Variants in ADAMTS12 observed in about 807,000 individuals in gnomAD.
ADAMTS12 encodes the protein A disintegrin and metalloproteinase with thrombospondin motifs 12.
In ADAMTS12, 118 loss-of-function variants were observed where a neutral mutation model predicts 167.8. The ratio of observed to expected loss-of-function variants is 0.70; its 90% CI spans 0.61 to 0.82. The LOEUF is 0.82. Among genes scored for constraint, ADAMTS12 ranks in the 40% least tolerant of loss-of-function variants. ADAMTS12 has a pLI of 0.00. For synonymous variants in ADAMTS12, 704 were observed against 716.9 expected (o/e 0.98, Z 0.29); for missense variants, 1,916 against 1,998.8 (o/e 0.96, Z 0.79).
chr5:33,747,138 G>T (rs1191387569), intron 3 of ADAMTS12, among the ~76,000 whole-genome samples: 3 of 152,092 alleles, frequency 2.0e-5, no homozygotes, highest in Non-Finnish European at 4.4e-5. Flanking sequence ...AAAGACATTA[G>T]GACTCATAGG....
chr5:33,592,024 C>T (rs1003796904), intron 17 of ADAMTS12, among the ~76,000 whole-genome samples: 3 of 151,794 alleles, frequency 2.0e-5, no homozygotes, highest in Non-Finnish European at 4.4e-5. Flanking sequence ...AGTTCGAGAC[C>T]AGCCTGACCA....
At chr5:33,649,748 A>G in intron 7 of ADAMTS12, 51 bp from the exon 8 acceptor site, 2 of 1,597,916 alleles carry the variant, frequency 1.3e-6, no homozygotes, top group Non-Finnish European at 1.7e-6. Context: ...GGCATTAAAC[A>G]GGAAGAAAAA....
intron 18 of ADAMTS12, among the ~76,000 whole-genome samples, chr5:33,587,404 C>G (rs976091522): frequency 1.3e-5 from 2 of 152,248 alleles, no homozygotes; most frequent in Non-Finnish European, 2.9e-5. Flanking sequence ...TCCATTTTCT[C>G]CTGAGTCCTC....
intron 3 of ADAMTS12, among the ~76,000 whole-genome samples, chr5:33,712,158 A>C (rs1743423897): frequency 6.6e-6 from 1 of 152,154 alleles, no homozygotes; most frequent in South Asian, 2.1e-4. Flanking sequence ...ACCACATGTA[A>C]CAGTAGCAGG....
chr5:33,760,659 T>C (rs1332472883), intron 2 of ADAMTS12, among the ~76,000 whole-genome samples: 1 of 152,174 alleles, frequency 6.6e-6, no homozygotes, highest in Non-Finnish European at 1.5e-5. Flanking sequence ...TAAGAGACAC[T>C]GTAGCATCTA....
intron 1 of ADAMTS12, chr5:33,888,310 C>T (rs531356049): frequency 1.3e-5 from 2 of 152,188 alleles, no homozygotes; most frequent in Admixed American, 6.5e-5. Context: ...AACCTTGCAA[C>T]GCTATTTTTA....
At chr5:33,830,634 G>GA (rs902688024) in intron 2 of ADAMTS12, among the ~76,000 whole-genome samples, 13 of 151,790 alleles carry the variant, frequency 8.6e-5, no homozygotes, top group Admixed American at 2.0e-4. Context: ...ATTAAAAATT[G>GA]AAAAAAAATT....
chr5:33,771,039 G>T (rs1745720407), intron 2 of ADAMTS12, among the ~76,000 whole-genome samples: 1 of 151,980 alleles, frequency 6.6e-6, no homozygotes, highest in South Asian at 2.1e-4. Context: ...TTATAGACAG[G>T]CAGGCATATA....
At chr5:33,865,335 T>C (rs2111710810) in intron 2 of ADAMTS12, among the ~76,000 whole-genome samples, 1 of 152,228 alleles carries the variant, frequency 6.6e-6, no homozygotes, top group Admixed American at 6.5e-5. Flanking sequence ...ATATATGTGA[T>C]ATATCACATA....
Position 33,683,972 on chromosome 5 carries a change from G to T in ADAMTS12, c.718C>A (p.Arg240Ser). 1 of 1,612,036 alleles carries T rather than the reference G, an allele frequency of 6.2e-7. No individual in the cohort carries two copies. The highest frequency in any genetic ancestry group is 1.3e-5 in the African/African-American group (1 of 74,862). The change falls in exon 4 of 24, where the codon CGT (arginine) becomes AGT (serine). Residue 240 changes from arginine (R) to serine (S), a missense_variant. Coordinates refer to ENST00000504830, the MANE Select transcript of ADAMTS12 (RefSeq NM_030955.4). ...HNLPSRSLSR[R>S]SISKERWVET... ...ACCCATCTCTCCTTGCTGATGGAAC[G>T]CCGAGAGAGGCTTCTGCTTGGCAAG... is the stretch of plus-strand genomic sequence containing the variant.
chr5:33,642,076 A>C, intron 10 of ADAMTS12, 121 bp from the exon 11 acceptor site: 1 of 1,022,112 alleles, frequency 9.8e-7, no homozygotes, highest in Non-Finnish European at 1.4e-6. Context: ...ACAGTCACAT[A>C]TCAGATGTAA....
intron 9 of ADAMTS12, among the ~76,000 whole-genome samples, chr5:33,644,867 A>C (rs1740600555): frequency 6.6e-6 from 1 of 151,748 alleles, no homozygotes; most frequent in Non-Finnish European, 1.5e-5. Flanking sequence ...AGTAGCTGGG[A>C]CTGCAGACAC....
chr5:33,580,330 A>T (rs962541125), intron 18 of ADAMTS12, among the ~76,000 whole-genome samples: 1 of 152,190 alleles, frequency 6.6e-6, no homozygotes, highest in Non-Finnish European at 1.5e-5. Context: ...CCTTCTTCAC[A>T]TGGCGGCAGG....
At chr5:33,610,886 G>C (rs1383719632) in intron 16 of ADAMTS12, among the ~76,000 whole-genome samples, 2 of 152,094 alleles carry the variant, frequency 1.3e-5, no homozygotes, top group East Asian at 3.9e-4. Flanking sequence ...GGCCAACATG[G>C]TGAAACCCTG....
chr5:33,678,410 G>A (rs28645462), intron 5 of ADAMTS12, among the ~76,000 whole-genome samples: 1 of 152,154 alleles, frequency 6.6e-6, no homozygotes, highest in East Asian at 1.9e-4. Context: ...TTGAGGAAAC[G>A]GTATCGATTA....
intron 2 of ADAMTS12, among the ~76,000 whole-genome samples, chr5:33,767,105 A>G (rs997079705): frequency 1.7e-4 from 26 of 152,248 alleles, no homozygotes; most frequent in African/African-American, 6.3e-4. Flanking sequence ...GTCATGCAGC[A>G]AATAAAAAAT....
At chr5:33,688,698 AGT>A (rs1175147860) in intron 3 of ADAMTS12, among the ~76,000 whole-genome samples, 1 of 152,212 alleles carries the variant, frequency 6.6e-6, no homozygotes, top group Non-Finnish European at 1.5e-5. Flanking sequence ...TGGAAATTAC[AGT>A]TTCCAGTACA....
chr5:33,677,784 G>C (rs769829854), intron 5 of ADAMTS12, among the ~76,000 whole-genome samples: 3 of 152,136 alleles, frequency 2.0e-5, no homozygotes, highest in African/African-American at 4.8e-5. Context: ...TCAGAACATG[G>C]TTTTGTATAC....
intron 19 of ADAMTS12, among the ~76,000 whole-genome samples, chr5:33,571,456 T>G (rs1477556548): frequency 6.6e-6 from 1 of 151,722 alleles, no homozygotes; most frequent in South Asian, 2.1e-4. Context: ...TCAAAACCAC[T>G]CAACTACATG....
Sources: allele counts gnomAD v4.1 joint callset (sites outside exome capture counted in the v4.1 genomes callset), GRCh38; gene constraint gnomAD v4.1.1; transcripts MANE v1.5; gene names NCBI Gene and HGNC (gene_info 2026-07-23, HGNC 2026-07-21).